The following HERC2 variants were observed in gnomAD, a reference collection of about 807,000 sequenced individuals.
HERC2 encodes HECT and RLD domain containing E3 ubiquitin protein ligase 2, also known as E3 ubiquitin-protein ligase HERC2.
In HERC2, 102 loss-of-function variants were observed where a neutral mutation model predicts 537.7. That is an observed-to-expected ratio of 0.19 (90% CI 0.16 to 0.22). The LOEUF is 0.22. Among genes scored for constraint, HERC2 ranks in the 10% least tolerant of loss-of-function variants. The probability of loss-of-function intolerance (pLI) is 1.00; values close to 1 mark genes in which losing one functional copy is unlikely to be tolerated. For missense variants in HERC2, 4,236 were observed against 6,198.2 expected (o/e 0.68, Z 10.63); for synonymous variants, 2,224 against 2,466.2 (o/e 0.90, Z 2.91).
rs753043618 is a variant in HERC2 at position 28,144,105 on chromosome 15, C to T, written c.11271G>A (p.Leu3757=). 2 of 1,614,046 alleles carry T rather than the reference C, an allele frequency of 1.2e-6. No individual in the cohort carries two copies. The highest frequency in any genetic ancestry group is 1.6e-4 in the Middle Eastern group (1 of 6,084). Residue 3757 remains leucine (L), a synonymous_variant, in exon 73 of 93, where the codon CTG becomes CTA. Coordinates refer to ENST00000261609, the MANE Select transcript of HERC2 (RefSeq NM_004667.6). ...RSIVPRLAAS[L]AACAQLSALA... ...GGGCACTCAGCTGTGCACAAGCTGC[C>T]AGCGAGGCCGCAAGGCGAGGGACGA...
rs1326540947 is a variant in HERC2 at position 28,213,923 on chromosome 15, C to T, written c.6605G>A (p.Gly2202Asp). The change falls in exon 42 of 93, where the codon GGC becomes GAC. Residue 2202 changes from glycine to aspartate, a missense_variant. Coordinates refer to ENST00000261609, the MANE Select transcript of HERC2 (RefSeq NM_004667.6). The part of the protein sequence containing the change: ...FPDSENPEVG[G>D]LMAVLAVIGG... ...AATCACAGCCAGGACTGCCATGAGG[C>T]CCCCCACTTCAGGGTTCTCGGAGTC... 3.1e-6 allele frequency: 5 copies of T among 1,614,068 alleles called. No individual in the cohort carries two copies. The highest frequency in any genetic ancestry group is 4.2e-6 in the Non-Finnish European group (5 of 1,179,990).
At position 28,201,445 on chromosome 15, in the gene HERC2, C is replaced by T. The variant is rs1391989165; in HGVS notation, c.7716+11G>A. 2.0e-6 allele frequency: 3 copies of T among 1,515,592 alleles called. No individual in the cohort carries two copies. The highest frequency in any genetic ancestry group is 2.3e-5 in the South Asian group (2 of 88,804). 93.9% of individuals were successfully genotyped at this position (1,515,592 alleles called of 1,614,324 possible). A position where few individuals can be genotyped will look rare whatever the true frequency, so the allele number is the denominator to read the frequency against. On this transcript the variant is annotated intron_variant, in intron 48 of 92. Transcript: ENST00000261609. ...AACGGATCGAGGCTCCAGCTTAAGA[C>T]AATTACTCACCTGAATATTCTCTCT...
At chr15:28,173,954 G>T (rs1438233568) in intron 65 of HERC2, among the ~76,000 whole-genome samples, 1 of 152,010 alleles carries the variant, frequency 6.6e-6, no homozygotes, top group African/African-American at 2.4e-5. Flanking sequence ...CTGGGGTAGT[G>T]TATGAGTTCA....
At chr15:28,166,498 G>C (rs1012576864) in intron 68 of HERC2, among the ~76,000 whole-genome samples, 4 of 152,174 alleles carry the variant, frequency 2.6e-5, no homozygotes, top group African/African-American at 4.8e-5. Context: ...GTAACAATTA[G>C]CTTACCAAGC....
chr15:28,143,821 T>G, intron 74 of HERC2, 52 bp downstream of exon 74: 1 of 1,610,046 alleles, frequency 6.2e-7, no homozygotes, highest in East Asian at 2.2e-5. Context: ...TAAAGCAACA[T>G]TTTATTCCCC....
At chr15:28,255,828 G>C in intron 19 of HERC2, 44 bp downstream of exon 19, 1 of 1,579,808 alleles carries the variant, frequency 6.3e-7, no homozygotes, top group African/African-American at 1.3e-5. Flanking sequence ...TGGTATTTCT[G>C]ATCTCAGTGC....
At chr15:28,154,759 T>C (rs908589825) in intron 69 of HERC2, among the ~76,000 whole-genome samples, 18 of 152,222 alleles carry the variant, frequency 1.2e-4, no homozygotes, top group African/African-American at 4.3e-4. Flanking sequence ...CTCAGCATTA[T>C]TTTATATATA....
At chr15:28,308,016 G>C (rs2076839286) in intron 2 of HERC2, among the ~76,000 whole-genome samples, 1 of 151,780 alleles carries the variant, frequency 6.6e-6, no homozygotes, top group Non-Finnish European at 1.5e-5. Flanking sequence ...TCAATTATGA[G>C]AGCTTCGGCT....
intron 44 of HERC2, among the ~76,000 whole-genome samples, chr15:28,208,369 C>T (rs1405934255): frequency 5.9e-5 from 9 of 152,106 alleles, no homozygotes; most frequent in Non-Finnish European, 1.2e-4. Context: ...CAAGACTACA[C>T]CATCACAGTG....
chr15:28,115,915 A>T (rs1888185158), intron 88 of HERC2, among the ~76,000 whole-genome samples: 1 of 152,180 alleles, frequency 6.6e-6, no homozygotes, highest in Non-Finnish European at 1.5e-5. Context: ...GACACCCTGC[A>T]CACCCTCAGT....
chr15:28,294,746 C>A (rs2076414594), intron 3 of HERC2, among the ~76,000 whole-genome samples: 1 of 151,952 alleles, frequency 6.6e-6, no homozygotes. Context: ...TCACTCTGTT[C>A]CCAAGTGCAG....
rs917775776 is a variant in HERC2, at chr15:28,175,999, T to C, written c.9687-343A>G. ...CTCAAGCTGCCTCGGGTCATGACATTGGCACTAAGGCCTGACACACCATCC... is the reference window on the plus strand; with the variant it reads ...CTCAAGCTGCCTCGGGTCATGACATCGGCACTAAGGCCTGACACACCATCC... On this transcript the variant is annotated intron_variant, in intron 63 of 92. Coordinates refer to ENST00000261609, the MANE Select transcript of HERC2 (RefSeq NM_004667.6). Among the ~76,000 whole-genome samples, 10 of 152,172 alleles carry C rather than the reference T, an allele frequency of 6.6e-5. No homozygotes were observed. In the South Asian group the frequency reaches 8.3e-4, roughly 13 times the overall value.
chr15:28,257,274 G>C lies in HERC2; in HGVS notation c.2317-13C>G. 1 of 1,610,642 alleles carries C rather than the reference G, an allele frequency of 6.2e-7. No individual in the cohort carries two copies. Among genetic ancestry groups the C allele is most frequent in the Non-Finnish European group, 8.5e-7 (1 of 1,177,376 alleles). On this transcript the variant is annotated splice_polypyrimidine_tract_variant and intron_variant, in intron 16 of 92. Transcript: ENST00000261609. ...ACCAAGCAAAGCTCTAAGAGGAAAC[G>C]CAACAATCTAAAATGAATCTCCAAA...
At chr15:28,138,900 G>A (rs1890914447) in intron 78 of HERC2, among the ~76,000 whole-genome samples, 1 of 152,214 alleles carries the variant, frequency 6.6e-6, no homozygotes, top group Non-Finnish European at 1.5e-5. Context: ...ATGGGAGGAG[G>A]TGAAAATATC....
intron 78 of HERC2, among the ~76,000 whole-genome samples, chr15:28,140,207 C>G (rs573403760): frequency 6.6e-6 from 1 of 152,264 alleles, no homozygotes; most frequent in East Asian, 1.9e-4. Flanking sequence ...GGCTTCTACT[C>G]AAACCCCACT....
At chr15:28,136,124 A>AG (rs397779106) in intron 78 of HERC2, among the ~76,000 whole-genome samples, 3 of 151,246 alleles carry the variant, frequency 2.0e-5, no homozygotes, top group East Asian at 1.9e-4. Context: ...AAGGGAAAAA[A>AG]CACCTTTTTT....
chr15:28,271,677 A>T (rs1351628035), intron 9 of HERC2, among the ~76,000 whole-genome samples: 1 of 152,168 alleles, frequency 6.6e-6, no homozygotes, highest in Non-Finnish European at 1.5e-5. Flanking sequence ...TAAGGAAAAA[A>T]AAAAGACTGC....
intron 16 of HERC2, among the ~76,000 whole-genome samples, chr15:28,259,889 A>T (rs547743202): frequency 6.6e-6 from 1 of 151,156 alleles, no homozygotes; most frequent in African/African-American, 2.4e-5. Flanking sequence ...AATTGCGTGA[A>T]CCCAGGAGGC....
chr15:28,304,702 A>ATTTT (rs780900477), intron 2 of HERC2, among the ~76,000 whole-genome samples: 55 of 108,306 alleles, frequency 5.1e-4, no homozygotes, highest in African/African-American at 1.8e-3. Flanking sequence ...AAGGGCTTCC[A>ATTTT]TTTTTTTTTT....
Sources: allele counts gnomAD v4.1 joint callset (sites outside exome capture counted in the v4.1 genomes callset), GRCh38; gene constraint gnomAD v4.1.1; transcripts MANE v1.5; gene names NCBI Gene and HGNC (gene_info 2026-07-23, HGNC 2026-07-21).